CEP85L: variants seen among roughly 807,000 people sequenced by gnomAD.
CEP85L encodes the protein centrosomal protein of 85 kDa-like.
A neutral mutation model predicts 100.3 loss-of-function variants in CEP85L; 60 were observed. That is an observed-to-expected ratio of 0.60 (90% confidence interval 0.49 to 0.74). The LOEUF is 0.74. CEP85L is among the 30% of genes least tolerant of loss of function. CEP85L has a pLI of 0.00. For synonymous variants in CEP85L, 319 were observed against 322.7 expected (o/e 0.99, Z 0.12); for missense variants, 973 against 936.2 (o/e 1.04, Z -0.51).
Position 118,605,480 on chromosome 6 carries a change from G to C in CEP85L, c.232+26973C>G, listed in dbSNP as rs112993039. Among the ~76,000 whole-genome samples, 21 of 152,222 alleles carry C rather than the reference G, an allele frequency of 1.4e-4. 1 individual carries two copies. The highest frequency in any genetic ancestry group is 5.1e-4 in the African/African-American group (21 of 41,532). On this transcript the variant is annotated intron_variant, in intron 2 of 12. Transcript: ENST00000368491. The stretch of plus-strand genomic sequence containing the variant: ...TCCTACCTAGTTATTACACACCAAA[G>C]CTCTCTCATAATGCAAAGTAATTTC...
intron 10 of CEP85L, 57 bp from the exon 11 acceptor site, chr6:118,470,701 C>A: frequency 2.1e-6 from 2 of 962,596 alleles, no homozygotes; most frequent in East Asian, 2.6e-5. Context: ...AGAAAAATCT[C>A]AAACAGAAAG....
At chr6:118,687,628 C>T (rs1043508029) in intron 1 of CEP85L, among the ~76,000 whole-genome samples, 2 of 152,204 alleles carry the variant, frequency 1.3e-5, no homozygotes, top group African/African-American at 2.4e-5. Flanking sequence ...GCATTCGAGC[C>T]GGCAACAGCA....
chr6:118,652,447 A>G (rs1775622010), upstream of CEP85L: 2 of 1,224,436 alleles, frequency 1.6e-6, no homozygotes, highest in Non-Finnish European at 2.1e-6. Flanking sequence ...TTAGTTACGA[A>G]CTAGTTCGTA....
chr6:118,707,738 T>C (rs931599296), intron 1 of CEP85L, among the ~76,000 whole-genome samples: 3 of 152,312 alleles, frequency 2.0e-5, no homozygotes, highest in African/African-American at 4.8e-5. Context: ...TAAATATATT[T>C]AAACATGTGC....
At chr6:118,490,223 T>C (rs1774466364) in intron 6 of CEP85L, among the ~76,000 whole-genome samples, 1 of 152,184 alleles carries the variant, frequency 6.6e-6, no homozygotes, top group Admixed American at 6.5e-5. Context: ...CTTCGATGCA[T>C]ACAAAGTTTC....
intron 1 of CEP85L, among the ~76,000 whole-genome samples, chr6:118,674,076 C>G (rs144045906): frequency 1.5e-3 from 230 of 152,264 alleles, no homozygotes; most frequent in African/African-American, 5.3e-3. Flanking sequence ...AGAACAGGGG[C>G]ATAAATATTT....
intron 3 of CEP85L, among the ~76,000 whole-genome samples, chr6:118,529,804 A>G (rs191061978): frequency 1.3e-5 from 2 of 152,254 alleles, no homozygotes; most frequent in Admixed American, 6.5e-5. Context: ...ACATTAATAT[A>G]TGATTGTGGA....
At chr6:118,545,838 T>C (rs1462425065) in intron 3 of CEP85L, among the ~76,000 whole-genome samples, 1 of 152,168 alleles carries the variant, frequency 6.6e-6, no homozygotes. Context: ...TGTTGCAGGA[T>C]CTCTGATAAT....
At chr6:118,693,506 A>G (rs1777110497) in intron 1 of CEP85L, among the ~76,000 whole-genome samples, 1 of 152,220 alleles carries the variant, frequency 6.6e-6, no homozygotes. Context: ...TTGGAACAAT[A>G]TCTTATGATA....
At chr6:118,625,822 G>A (rs370271592) in intron 2 of CEP85L, among the ~76,000 whole-genome samples, 2 of 152,128 alleles carry the variant, frequency 1.3e-5, no homozygotes, top group African/African-American at 2.4e-5. Context: ...ACTCGCCTTC[G>A]GTCCCTGTAT....
At chr6:118,600,704 C>A (rs1487940496) in intron 2 of CEP85L, among the ~76,000 whole-genome samples, 1 of 151,710 alleles carries the variant, frequency 6.6e-6, no homozygotes, top group Non-Finnish European at 1.5e-5. Context: ...GAAAATTCAG[C>A]CCCTTGGGGT....
Position 118,505,889 on chromosome 6 carries a change from G to A in CEP85L, c.1257+5409C>T, listed in dbSNP as rs1280550012. On this transcript the variant is annotated intron_variant, in intron 5 of 12. Coordinates refer to ENST00000368491, the MANE Select transcript of CEP85L (RefSeq NM_001042475.3). ...ATCCTAATATAAACTATTGGTTTTT[G>A]AGTGTTAATGGTGTGTCAATATAGG... 2.0e-5 allele frequency among the ~76,000 whole-genome samples: 3 copies of A among 152,172 alleles called. 1 individual carries two copies. The highest frequency in any genetic ancestry group is 2.0e-4 in the Admixed American group (3 of 15,276).
chr6:118,699,328 C>T lies in CEP85L; in HGVS notation c.-28+10708G>A, dbSNP rs536219312. On this transcript the variant is annotated intron_variant, in intron 1 of 13. Coordinates refer to the CEP85L transcript ENST00000368488. ...CAATTAGCCGAGCATGGTGGCACGTCCCTGAAATTCCAGCTACTCAGGAGC... is the reference window on the plus strand; with the variant it reads ...CAATTAGCCGAGCATGGTGGCACGTTCCTGAAATTCCAGCTACTCAGGAGC... Among the ~76,000 whole-genome samples, 25 of 151,814 alleles carry T rather than the reference C, an allele frequency of 1.6e-4. No homozygotes were observed. In the Middle Eastern group the frequency reaches 0.01, roughly 62 times the overall value.
At chr6:118,534,461 T>C (rs1486699255) in intron 3 of CEP85L, among the ~76,000 whole-genome samples, 1 of 151,980 alleles carries the variant, frequency 6.6e-6, no homozygotes, top group Non-Finnish European at 1.5e-5. Flanking sequence ...GAGACCAGCC[T>C]GTCAAACATG....
intron 3 of CEP85L, among the ~76,000 whole-genome samples, chr6:118,541,272 G>C (rs748243548): frequency 6.6e-6 from 1 of 152,170 alleles, no homozygotes; most frequent in Admixed American, 6.5e-5. Flanking sequence ...CAGATGATGA[G>C]ATGTTCATGC....
intron 4 of CEP85L, 95 bp from the exon 5 acceptor site, chr6:118,511,510 T>C (rs1171852289): frequency 1.4e-6 from 1 of 724,060 alleles, no homozygotes; most frequent in Non-Finnish European, 2.3e-6. Flanking sequence ...TCCTTTAATA[T>C]TCCTCTTAGA....
intron 4 of CEP85L, among the ~76,000 whole-genome samples, chr6:118,517,355 T>C (rs1224639556): frequency 6.6e-6 from 1 of 152,224 alleles, no homozygotes; most frequent in Non-Finnish European, 1.5e-5. Context: ...TTTCACAATA[T>C]TGATTATCCC....
intron 3 of CEP85L, among the ~76,000 whole-genome samples, chr6:118,564,154 A>G (rs1440475315): frequency 1.3e-5 from 2 of 152,186 alleles, no homozygotes; most frequent in South Asian, 4.1e-4. Flanking sequence ...TGAGGCTAAG[A>G]AAAACACCTT....
chr6:118,647,419 G>A (rs566029419), intron 1 of CEP85L, among the ~76,000 whole-genome samples: 3 of 152,280 alleles, frequency 2.0e-5, no homozygotes, highest in South Asian at 2.1e-4. Context: ...GGAGTGCAAC[G>A]ACATGATCTC....
Sources: allele counts gnomAD v4.1 joint callset (sites outside exome capture counted in the v4.1 genomes callset), GRCh38; gene constraint gnomAD v4.1.1; transcripts MANE v1.5; gene names NCBI Gene and HGNC (gene_info 2026-07-23, HGNC 2026-07-21).